The following DPH6 variants were observed in gnomAD, a reference collection of about 807,000 sequenced individuals.
DPH6 encodes diphthamine biosynthesis 6, also known as diphthine--ammonia ligase.
DPH6 carries 33 observed loss-of-function variants against 38.2 expected under a neutral mutation model. That is an observed-to-expected ratio of 0.86 (90% CI 0.65 to 1.15). The LOEUF is 1.15. Among genes scored for constraint, DPH6 ranks in the 50% most tolerant of loss-of-function variants. DPH6 has a pLI of 0.00. For missense variants in DPH6, 325 were observed against 320.0 expected (o/e 1.02, Z -0.12); for synonymous variants, 108 against 103.0 (o/e 1.05, Z -0.30).
the DPH6 span, among the ~76,000 whole-genome samples, chr15:35,206,488 C>T: frequency 7.2e-5 from 11 of 152,256 alleles, no homozygotes; most frequent in Admixed American, 2.0e-4. Context: ...GGTGATAATG[C>T]AGGGGAAATG....
At chr15:35,175,560 G>A in the DPH6 span, among the ~76,000 whole-genome samples, 7 of 152,202 alleles carry the variant, frequency 4.6e-5, no homozygotes, top group Non-Finnish European at 8.8e-5. Context: ...AGTTGCTTCA[G>A]TCATAATAAA....
chr15:35,251,549 CTT>C (rs2051674119), intron 3 of DPH6, among the ~76,000 whole-genome samples: 1 of 152,334 alleles, frequency 6.6e-6, no homozygotes, highest in South Asian at 2.1e-4. Context: ...GTCCTTCACA[CTT>C]TGGCTCCAAT....
At chr15:35,224,912 G>A (rs574112053) in intron 3 of DPH6, among the ~76,000 whole-genome samples, 3 of 152,282 alleles carry the variant, frequency 2.0e-5, no homozygotes, top group South Asian at 2.1e-4. Context: ...TTAAATTACC[G>A]TGGTATACTT....
rs559210223 is a variant in DPH6 at position 35,382,388 on chromosome 15, G to A, written c.568-472C>T. On this transcript the variant is annotated intron_variant, in intron 6 of 8. Coordinates refer to ENST00000256538, the MANE Select transcript of DPH6 (RefSeq NM_080650.4). The stretch of plus-strand genomic sequence containing the variant: ...GAGACGGAGCTCAGCCGAGTTTGCA[G>A]TGAGCCGAGATCAGCCTGGGCGACA... Among the ~76,000 whole-genome samples the A allele has an allele frequency of 6.6e-4, 101 of 152,298 alleles. 1 individual carries two copies. Among genetic ancestry groups the A allele is most frequent in the African/African-American group, 2.2e-3 (92 of 41,558 alleles).
At chr15:35,465,203 C>T (rs985538280) in intron 3 of DPH6, among the ~76,000 whole-genome samples, 6 of 152,088 alleles carry the variant, frequency 3.9e-5, no homozygotes, top group African/African-American at 7.2e-5. Context: ...TGAAAAATGC[C>T]TCAGTTACCA....
the DPH6 span, among the ~76,000 whole-genome samples, chr15:35,155,707 T>C: frequency 6.6e-6 from 1 of 152,220 alleles, no homozygotes; most frequent in Non-Finnish European, 1.5e-5. Flanking sequence ...CTGGGTCACA[T>C]TCATGAAAAA....
rs1488462920 is a variant in DPH6 at position 35,297,219 on chromosome 15, C to T, written n.200+76302G>A. 2.6e-5 allele frequency among the ~76,000 whole-genome samples: 4 copies of T among 152,070 alleles called. 1 individual carries two copies. Among genetic ancestry groups the T allele is most frequent in the Non-Finnish European group, 5.9e-5 (4 of 68,002 alleles). ...GCTATAATGACTCCAAACTTGAAAC[C>T]AGTATTTTTTAGCCCCTTGTCCTCA... is the stretch of plus-strand genomic sequence containing the variant. On this transcript the variant is annotated intron_variant and non_coding_transcript_variant, in intron 3 of 3. Coordinates refer to the DPH6 transcript ENST00000560386.
chr15:35,532,308 G>A lies in DPH6; in HGVS notation c.312+5966C>T, dbSNP rs1465995758. Among the ~76,000 whole-genome samples the A allele has an allele frequency of 2.0e-5, 3 of 152,178 alleles. No homozygotes were observed. In the East Asian group the frequency reaches 5.8e-4, roughly 29 times the overall value. ...TATACAGATCAGCTGCCAACAACTT[G>A]GTAGACGAGGTGGATGGAGCATAGG... is the stretch of plus-strand genomic sequence containing the variant. On this transcript the variant is annotated intron_variant, in intron 3 of 8. Transcript: ENST00000256538.
intron 3 of DPH6, among the ~76,000 whole-genome samples, chr15:35,457,829 T>C (rs1012502935): frequency 1.3e-5 from 2 of 152,228 alleles, no homozygotes; most frequent in South Asian, 2.1e-4. Flanking sequence ...CTTTCATTAT[T>C]ATGATCTTTA....
the DPH6 span, among the ~76,000 whole-genome samples, chr15:35,160,998 A>T: frequency 6.6e-6 from 1 of 151,836 alleles, no homozygotes; most frequent in African/African-American, 2.4e-5. Flanking sequence ...TGTGGGGTGG[A>T]GGGAGTGGGG....
At chr15:35,328,902 C>T (rs556858008), downstream of DPH6, among the ~76,000 whole-genome samples, 202 of 152,276 alleles carry the variant, frequency 1.3e-3, no homozygotes, top group Middle Eastern at 0.01. Context: ...CAACTCCCAT[C>T]TTACATGGAT....
intron 3 of DPH6, among the ~76,000 whole-genome samples, chr15:35,276,266 A>T (rs1016886291): frequency 1.3e-5 from 2 of 152,032 alleles, no homozygotes; most frequent in African/African-American, 2.4e-5. Context: ...TCCTTAGCCT[A>T]CTTTTGATGG....
intron 3 of DPH6, among the ~76,000 whole-genome samples, chr15:35,507,343 T>C (rs1403744630): frequency 1.3e-5 from 2 of 152,040 alleles, no homozygotes; most frequent in Admixed American, 6.6e-5. Context: ...ATAATTTCTA[T>C]GTATGTATGA....
rs71123123 is a variant in DPH6, at chr15:35,245,232, C to CTTT, written n.201-24653_201-24651dup. On this transcript the variant is annotated intron_variant and non_coding_transcript_variant, in intron 3 of 3. Transcript: ENST00000560386. ...AAATATTTCTGGGTCATTGTTCTTG[C>CTTT]TTTTTTTTTTTTTTTTTTTTTTTTG... 1.5e-3 allele frequency among the ~76,000 whole-genome samples: 119 copies of CTTT among 81,368 alleles called. 1 individual carries two copies. The highest frequency in any genetic ancestry group is 0.01 in the Middle Eastern group (1 of 98). The allele number at this position is 81,368 out of a possible 152,430, so 53.4% of individuals were successfully genotyped here. A position where few individuals can be genotyped will look rare whatever the true frequency, so the allele number is the denominator to read the frequency against.
At chr15:35,310,354 G>A (rs112198227) in intron 3 of DPH6, among the ~76,000 whole-genome samples, 2,093 of 152,286 alleles carry the variant, frequency 0.014, 42 homozygotes, top group African/African-American at 0.042. Flanking sequence ...AAAAGGGCCA[G>A]TAAGGGACTG....
At chr15:35,433,462 T>G (rs778093870) in intron 5 of DPH6, among the ~76,000 whole-genome samples, 3 of 152,042 alleles carry the variant, frequency 2.0e-5, no homozygotes, top group Non-Finnish European at 4.4e-5. Flanking sequence ...AACTGCAGAG[T>G]TATAGTAAAA....
chr15:35,421,296 A>G (rs1014166425), intron 5 of DPH6, among the ~76,000 whole-genome samples: 1 of 152,226 alleles, frequency 6.6e-6, no homozygotes, highest in Admixed American at 6.5e-5. Context: ...CTAATTTTAC[A>G]AGGCCAGAAA....
At chr15:35,528,970 T>G (rs1205455604) in intron 3 of DPH6, among the ~76,000 whole-genome samples, 1 of 152,158 alleles carries the variant, frequency 6.6e-6, no homozygotes, top group Non-Finnish European at 1.5e-5. Context: ...TTTCCACCAC[T>G]CCTCAAACTT....
the DPH6 span, among the ~76,000 whole-genome samples, chr15:35,194,664 AT>A: frequency 6.6e-6 from 1 of 152,366 alleles, no homozygotes; most frequent in Admixed American, 6.5e-5. Context: ...TTTAAAATCT[AT>A]TGATTGCAGA....
Sources: allele counts gnomAD v4.1 joint callset (sites outside exome capture counted in the v4.1 genomes callset), GRCh38; gene constraint gnomAD v4.1.1; transcripts MANE v1.5; gene names NCBI Gene and HGNC (gene_info 2026-07-23, HGNC 2026-07-21).